Variants in TNS1 observed in about 807,000 individuals in gnomAD.
TNS1 encodes tensin 1.
A neutral mutation model predicts 168.6 loss-of-function variants in TNS1; 62 were observed. The observed-to-expected ratio is 0.37, with a 90% CI of 0.30 to 0.45. The LOEUF (loss-of-function observed/expected upper bound fraction) is 0.45, where lower values mean the gene tolerates loss of function less well. Among genes scored for constraint, TNS1 ranks in the 20% least tolerant of loss-of-function variants. The pLI, the probability that TNS1 is intolerant of heterozygous loss-of-function variation, is 1.00. For missense variants in TNS1, 2,240 were observed against 2,339.4 expected (o/e 0.96, Z 0.88); for synonymous variants, 934 against 933.2 (o/e 1.00, Z -0.02).
chr2:217,999,601 C>T (rs144325203), intron 1 of TNS1, among the ~76,000 whole-genome samples: 1 of 152,324 alleles, frequency 6.6e-6, no homozygotes, highest in East Asian at 1.9e-4. Context: ...CCTGGTGATT[C>T]TCATGCAGCC....
At chr2:218,001,714 G>C (rs186521303) in intron 1 of TNS1, among the ~76,000 whole-genome samples, 1 of 151,318 alleles carries the variant, frequency 6.6e-6, no homozygotes, top group Non-Finnish European at 1.5e-5. Flanking sequence ...CACCCAAACC[G>C]CCTCATTCCA....
chr2:217,833,696 C>A (rs1265771509), intron 21 of TNS1, among the ~76,000 whole-genome samples: 1 of 152,234 alleles, frequency 6.6e-6, no homozygotes, highest in Non-Finnish European at 1.5e-5. Flanking sequence ...ACAGCAGTCA[C>A]GAGCCACACA....
chr2:217,897,857 G>A lies in TNS1; in HGVS notation c.484C>T (p.Arg162Trp), dbSNP rs145099703. The A allele has an allele frequency of 2.9e-5, 46 of 1,613,318 alleles. No homozygotes were observed. The highest frequency in any genetic ancestry group is 1.3e-4 in the Admixed American group (8 of 59,918). The change falls in exon 8 of 33, where the codon CGG (arginine) becomes TGG (tryptophan). Residue 162 changes from arginine to tryptophan, a missense_variant. Around this residue, in one of 2 missense-constraint regions of TNS1, gnomAD observed 2,131 missense variants for 2,171.2 expected, o/e 0.98. Coordinates refer to ENST00000682258, the MANE Select transcript of TNS1 (RefSeq NM_001387777.1). ...FPSTANEENF[R>W]SNLREVAQML... ...TGCGCCACCTCACGGAGGTTGCTCC[G>A]GAAGTTCTCCTCATTGGCTGTGCTG... is the stretch of plus-strand genomic sequence containing the variant.
chr2:217,849,304 C>T (rs1016975331), intron 18 of TNS1, among the ~76,000 whole-genome samples: 5 of 152,160 alleles, frequency 3.3e-5, no homozygotes, highest in African/African-American at 7.2e-5. Context: ...GCTTCAGGGC[C>T]GGGCAGTGGA....
chr2:217,834,712 T>C (rs901280682), intron 21 of TNS1, among the ~76,000 whole-genome samples: 7 of 152,146 alleles, frequency 4.6e-5, no homozygotes, highest in Admixed American at 6.5e-5. Context: ...CAGGCAGAAA[T>C]GGAGGTCAGA....
chr2:218,029,486 C>T (rs1382877989), intron 1 of TNS1, among the ~76,000 whole-genome samples: 1 of 152,160 alleles, frequency 6.6e-6, no homozygotes, highest in Non-Finnish European at 1.5e-5. Flanking sequence ...CTCACAGTAG[C>T]CCAAAACTAG....
chr2:218,030,647 C>T (rs1449950415), intron 1 of TNS1, among the ~76,000 whole-genome samples: 1 of 152,264 alleles, frequency 6.6e-6, no homozygotes, highest in Non-Finnish European at 1.5e-5. Flanking sequence ...GGATGAAACC[C>T]TCACTTGTCT....
At chr2:218,025,589 A>C (rs927604244) in intron 1 of TNS1, among the ~76,000 whole-genome samples, 3 of 138,074 alleles carry the variant, frequency 2.2e-5, no homozygotes, top group African/African-American at 6.5e-5. Flanking sequence ...GTGTTTGCTG[A>C]GGCCAGACCC....
rs927024513 is a variant in TNS1, at chr2:217,821,673, T to G, written c.3572+67A>C. 2.2e-6 allele frequency: 3 copies of G among 1,380,178 alleles called. No homozygotes were observed. In the African/African-American group the frequency reaches 4.5e-5, roughly 21 times the overall value. 85.5% of individuals were successfully genotyped at this position (1,380,178 alleles called of 1,614,324 possible). On this transcript the variant is annotated intron_variant, in intron 23 of 32. Coordinates refer to ENST00000682258, the MANE Select transcript of TNS1 (RefSeq NM_001387777.1). ...CCATAGGCAACAGATCCAGGAGGCC[T>G]CACCCATCCCGTCCCAGTCCCAGGC...
chr2:217,978,657 G>C (rs1485687197), intron 3 of TNS1, 108 bp downstream of exon 3: 3 of 636,040 alleles, frequency 4.7e-6, no homozygotes, highest in Non-Finnish European at 8.4e-6. Context: ...GAGGAGGAGG[G>C]ACGCCCCGGG....
At chr2:217,836,266 C>A in intron 19 of TNS1, 55 bp from the exon 20 acceptor site, 1 of 1,534,418 alleles carries the variant, frequency 6.5e-7, no homozygotes, top group South Asian at 1.2e-5. Flanking sequence ...AAGAAATGAT[C>A]AATCGGCCTA....
Position 217,836,098 on chromosome 2 carries a change from G to A in TNS1, c.3121C>T (p.Pro1041Ser). 3 of 1,614,094 alleles carry A rather than the reference G, an allele frequency of 1.9e-6. No individual in the cohort carries two copies. Among genetic ancestry groups the A allele is most frequent in the Non-Finnish European group, 2.5e-6 (3 of 1,179,982 alleles). The change falls in exon 20 of 33, where the codon CCT (proline) becomes TCT (serine). Residue 1041 changes from proline (P) to serine (S), a missense_variant. This residue lies in a region of TNS1 where 2,131 missense variants were observed against 2,171.2 expected (regional missense o/e 0.98). Transcript: ENST00000682258. Reference sequence around the variant, plus strand: ...CACTGGACAGGGGAGCGAACCCCAGGGCTACGAGGGGATGTGGCTTCTGGA... The same window carrying A: ...CACTGGACAGGGGAGCGAACCCCAGAGCTACGAGGGGATGTGGCTTCTGGA... ...QSPEATSPRS[P>S]GVRSPVQCVS...
At chr2:217,970,037 C>A (rs551622230) in intron 3 of TNS1, among the ~76,000 whole-genome samples, 1 of 152,048 alleles carries the variant, frequency 6.6e-6, no homozygotes, top group African/African-American at 2.4e-5. Flanking sequence ...CACATAGACA[C>A]AGAAGGAAGA....
At chr2:217,867,902 C>T (rs1344854501) in intron 18 of TNS1, among the ~76,000 whole-genome samples, 2 of 152,256 alleles carry the variant, frequency 1.3e-5, no homozygotes, top group African/African-American at 2.4e-5. Flanking sequence ...TCCCAATCAC[C>T]CTTACTCTGC....
intron 3 of TNS1, among the ~76,000 whole-genome samples, chr2:217,971,703 T>TA (rs1957777219): frequency 6.6e-6 from 1 of 152,212 alleles, no homozygotes; most frequent in Admixed American, 6.5e-5. Context: ...TTACCACTTT[T>TA]AAAAATCCCA....
In TNS1 at chr2:217,885,128, G is replaced by A. The variant is rs1951065739; in HGVS notation, c.1153C>T (p.Arg385Ter). 6 of 1,614,226 alleles carry A rather than the reference G, an allele frequency of 3.7e-6. No individual in the cohort carries two copies. Among genetic ancestry groups the A allele is most frequent in the Non-Finnish European group, 5.1e-6 (6 of 1,180,042 alleles). ...AACTGCACACGGAAGATGACGTCTCGGGCTGGGCTTCGGAACTTCTTGTGG... is the reference window on the plus strand; with the variant it reads ...AACTGCACACGGAAGATGACGTCTCAGGCTGGGCTTCGGAACTTCTTGTGG... Reference protein sequence around the residue: ...CYHKKFRSPARDVIFRVQFHT... With the variant: ...CYHKKFRSPA The change falls in exon 16 of 33, where the codon CGA becomes TGA. Residue 385 changes from arginine to a stop codon, truncating the protein, a stop_gained. Coordinates refer to ENST00000682258, the MANE Select transcript of TNS1 (RefSeq NM_001387777.1). LOFTEE classifies it high-confidence loss of function.
At chr2:217,829,843 C>T in intron 22 of TNS1, 1 of 1,614,142 alleles carries the variant, frequency 6.2e-7, no homozygotes, top group Non-Finnish European at 8.5e-7. Flanking sequence ...ATGCTACTTA[C>T]CTTCTGACAG....
intron 3 of TNS1, among the ~76,000 whole-genome samples, chr2:217,938,899 G>A (rs1454246665): frequency 2.6e-5 from 4 of 152,262 alleles, no homozygotes; most frequent in East Asian, 1.9e-4. Context: ...TGGGGGAAGA[G>A]AAGATTCTTC....
chr2:217,949,864 T>C (rs1043720493), intron 3 of TNS1, among the ~76,000 whole-genome samples: 2 of 152,120 alleles, frequency 1.3e-5, no homozygotes, highest in Non-Finnish European at 2.9e-5. Flanking sequence ...TGGGGTAATG[T>C]CCAAAACAAG....
Sources: allele counts gnomAD v4.1 joint callset (sites outside exome capture counted in the v4.1 genomes callset), GRCh38; gene constraint gnomAD v4.1.1; regional missense constraint gnomAD v4.1.1; transcripts MANE v1.5; gene names NCBI Gene and HGNC (gene_info 2026-07-23, HGNC 2026-07-21).